PLEKHA7: variants seen among roughly 807,000 people sequenced by gnomAD.
The protein encoded by PLEKHA7 is pleckstrin homology domain-containing family A member 7.
PLEKHA7 carries 104 observed loss-of-function variants against 170.0 expected under a neutral mutation model. The observed-to-expected ratio is 0.61, with a 90% CI of 0.52 to 0.72. The LOEUF is 0.72. Ranked by LOEUF, PLEKHA7 falls within the 30% of genes least tolerant of loss-of-function variation. PLEKHA7 has a pLI of 0.00. For synonymous variants in PLEKHA7, 648 were observed against 660.8 expected (o/e 0.98, Z 0.30); for missense variants, 1,615 against 1,671.7 (o/e 0.97, Z 0.59).
intron 3 of PLEKHA7, among the ~76,000 whole-genome samples, chr11:16,959,684 C>T: frequency 6.6e-6 from 1 of 152,172 alleles, no homozygotes; most frequent in Non-Finnish European, 1.5e-5. Flanking sequence ...ATTGAAACCA[C>T]CTTGATAGAA....
Position 17,014,374 on chromosome 11 carries a change from T to C in PLEKHA7, c.28A>G (p.Thr10Ala), listed in dbSNP as rs940541538. ...CCGTAGGACCAATGCTCAGGTAAAG[T>C]GTCCCGCCCGACCGTCGCCGCCGCC... MAAATVGRD[T>A]LPEHWSYGVC... The change falls in exon 1 of 27, where the codon ACT (threonine) becomes GCT (alanine). Residue 10 changes from threonine (T) to alanine (A), a missense_variant. Transcript: ENST00000531066. The C allele has an allele frequency of 3.0e-5, 40 of 1,331,982 alleles. No homozygotes were observed. Among genetic ancestry groups the C allele is most frequent in the Non-Finnish European group, 3.5e-5 (36 of 1,027,332 alleles). 82.5% of individuals were successfully genotyped at this position (1,331,982 alleles called of 1,614,324 possible).
At chr11:16,844,077 C>T (rs1852191357) in intron 8 of PLEKHA7, among the ~76,000 whole-genome samples, 1 of 152,038 alleles carries the variant, frequency 6.6e-6, no homozygotes, top group South Asian at 2.1e-4. Flanking sequence ...CCTTTTGTGC[C>T]CAGCCATAGA....
intron 25 of PLEKHA7, among the ~76,000 whole-genome samples, chr11:16,783,298 A>G (rs1400417968): frequency 6.6e-6 from 1 of 152,230 alleles, no homozygotes; most frequent in Non-Finnish European, 1.5e-5. Context: ...CCTACGGACA[A>G]GGCTGGCACC....
At chr11:16,991,806 C>A (rs531719253) in intron 3 of PLEKHA7, among the ~76,000 whole-genome samples, 15 of 152,310 alleles carry the variant, frequency 9.8e-5, no homozygotes, top group Admixed American at 8.5e-4. Context: ...ACAGTCCCTC[C>A]AGCTGCTATA....
chr11:16,865,854 T>C (rs1854346753), intron 4 of PLEKHA7, among the ~76,000 whole-genome samples: 1 of 152,046 alleles, frequency 6.6e-6, no homozygotes, highest in Non-Finnish European at 1.5e-5. Context: ...TATTTATTTA[T>C]TGAGATGGAG....
intron 3 of PLEKHA7, among the ~76,000 whole-genome samples, chr11:16,914,799 G>A (rs1306871142): frequency 1.3e-5 from 2 of 152,164 alleles, no homozygotes; most frequent in East Asian, 3.8e-4. Context: ...GAAAATGGAG[G>A]TTACGGAACT....
intron 4 of PLEKHA7, among the ~76,000 whole-genome samples, chr11:16,860,508 C>T (rs1853859579): frequency 1.3e-5 from 2 of 152,104 alleles, no homozygotes; most frequent in African/African-American, 4.8e-5. Flanking sequence ...TACACAAAGT[C>T]AAGCAAGCAG....
chr11:16,842,303 G>C (rs1157574695), intron 8 of PLEKHA7: 1 of 154,500 alleles, frequency 6.5e-6, no homozygotes, highest in Non-Finnish European at 1.5e-5. Context: ...TGATCGCCAG[G>C]GTTGAGTCGG....
At chr11:16,865,057 T>C (rs575576733) in intron 4 of PLEKHA7, among the ~76,000 whole-genome samples, 1 of 152,264 alleles carries the variant, frequency 6.6e-6, no homozygotes, top group South Asian at 2.1e-4. Context: ...TCTAGAACCC[T>C]CACCATAATG....
chr11:16,888,566 CAT>C (rs1247904112), intron 3 of PLEKHA7, among the ~76,000 whole-genome samples: 7 of 152,298 alleles, frequency 4.6e-5, no homozygotes, highest in Non-Finnish European at 8.8e-5. Context: ...CTCTCTGAAA[CAT>C]GTGCTGTGTC....
At position 17,014,029 on chromosome 11, in the gene PLEKHA7, C is replaced by G. The variant is rs1480678058; in HGVS notation, c.181G>C (p.Glu61Gln). ...MIRSDLPRGW[E>Q]EGFTEEGASY... ...GCGCCCTCCTCCGTGAAGCCCTCCT[C>G]CCAGCCGCGGGGCAGGTCTGCGGAA... Residue 61 changes from glutamate to glutamine, a missense_variant, in exon 3 of 27, where the codon GAG (glutamate) becomes CAG (glutamine). Coordinates refer to ENST00000531066, the MANE Select transcript of PLEKHA7 (RefSeq NM_001329630.2). 2 of 1,555,888 alleles carry G rather than the reference C, an allele frequency of 1.3e-6. No homozygotes were observed. The highest frequency in any genetic ancestry group is 1.2e-5 in the South Asian group (1 of 84,918).
At chr11:16,892,580 G>A (rs1856724847) in intron 3 of PLEKHA7, among the ~76,000 whole-genome samples, 1 of 150,234 alleles carries the variant, frequency 6.7e-6, no homozygotes, top group African/African-American at 2.5e-5. Context: ...AAAGTAGCTG[G>A]GACCACAGGT....
chr11:17,003,497 A>G (rs921346338), intron 3 of PLEKHA7, among the ~76,000 whole-genome samples: 6 of 152,230 alleles, frequency 3.9e-5, no homozygotes. Context: ...GGCATTTACA[A>G]TGTGCCAGTA....
At chr11:16,844,733 G>C (rs1190008931) in intron 8 of PLEKHA7, among the ~76,000 whole-genome samples, 3 of 152,186 alleles carry the variant, frequency 2.0e-5, no homozygotes, top group Non-Finnish European at 4.4e-5. Context: ...CTCAGTTCTA[G>C]ACACAGCACT....
At position 16,826,235 on chromosome 11, in the gene PLEKHA7, C is replaced by T. The variant is rs147371461; in HGVS notation, c.1228G>A (p.Gly410Ser). 1.4e-5 allele frequency: 23 copies of T among 1,614,124 alleles called. No individual in the cohort carries two copies. Among genetic ancestry groups the T allele is most frequent in the Non-Finnish European group, 1.9e-5 (22 of 1,180,052 alleles). Residue 410 changes from glycine to serine, a missense_variant, in exon 10 of 27, where the codon GGT becomes AGT. By Grantham distance (56) the Gly-to-Ser change is moderately conservative. Coordinates refer to ENST00000531066, the MANE Select transcript of PLEKHA7 (RefSeq NM_001329630.2). ...SYGPGEQNGT[G>S]GYQRAFPPRT... ...GGAGGAAAGGCCCGCTGGTACCCAC[C>T]AGTCCCATTCTGTTCTCCTGGGCCA...
intron 24 of PLEKHA7, among the ~76,000 whole-genome samples, chr11:16,785,869 A>AT (rs1849360621): frequency 6.6e-6 from 1 of 152,180 alleles, no homozygotes; most frequent in East Asian, 1.9e-4. Context: ...GTTGCAGGGA[A>AT]CATTTCCTAA....
In PLEKHA7 at chr11:17,014,389, TCGC is replaced by T. The variant is rs752768051; in HGVS notation, c.10_12del (p.Ala4del). The T allele has an allele frequency of 6.2e-6, 8 of 1,284,834 alleles. No individual in the cohort carries two copies. In the South Asian group the frequency reaches 1.5e-4, roughly 24 times the overall value. The allele number at this position is 1,284,834 out of a possible 1,614,324, so 79.6% of individuals were successfully genotyped here. A position where few individuals can be genotyped will look rare whatever the true frequency, so the allele number is the denominator to read the frequency against. Reference sequence around the variant, plus strand: ...TCAGGTAAAGTGTCCCGCCCGACCGTCGCCGCCGCCATGTTCGCCGAGCGCGGA... The same window carrying T: ...TCAGGTAAAGTGTCCCGCCCGACCGTCGCCGCCATGTTCGCCGAGCGCGGA... On this transcript the variant is annotated inframe_deletion, in exon 1 of 27. Coordinates refer to ENST00000531066, the MANE Select transcript of PLEKHA7 (RefSeq NM_001329630.2).
intron 3 of PLEKHA7, among the ~76,000 whole-genome samples, chr11:16,923,025 C>T (rs901719183): frequency 6.6e-6 from 1 of 152,216 alleles, no homozygotes; most frequent in African/African-American, 2.4e-5. Context: ...ATGACATCCT[C>T]ACCCCACCAT....
At chr11:16,947,526 G>A (rs1861107318) in intron 3 of PLEKHA7, among the ~76,000 whole-genome samples, 1 of 151,708 alleles carries the variant, frequency 6.6e-6, no homozygotes, top group African/African-American at 2.4e-5. Flanking sequence ...GGGAGGTGGA[G>A]GTTGCAGTGA....
Sources: allele counts gnomAD v4.1 joint callset (sites outside exome capture counted in the v4.1 genomes callset), GRCh38; gene constraint gnomAD v4.1.1; transcripts MANE v1.5; gene names NCBI Gene and HGNC (gene_info 2026-07-23, HGNC 2026-07-21).